COL5A2: variants seen among roughly 807,000 people sequenced by gnomAD.
The protein encoded by COL5A2 is collagen type V alpha 2 chain, also known as collagen alpha-2(V) chain.
A neutral mutation model predicts 208.2 loss-of-function variants in COL5A2; 23 were observed. That is an observed-to-expected ratio of 0.11 (90% CI 0.08 to 0.16). The LOEUF is 0.16. Among genes scored for constraint, COL5A2 ranks in the 10% least tolerant of loss-of-function variants. The pLI, the probability that COL5A2 is intolerant of heterozygous loss-of-function variation, is 1.00. For synonymous variants in COL5A2, 625 were observed against 628.5 expected (o/e 0.99, Z 0.08); for missense variants, 1,590 against 1,956.4 (o/e 0.81, Z 3.53).
At chr2:189,338,657 ATAT>A in the COL5A2 span, among the ~76,000 whole-genome samples, 1 of 148,852 alleles carries the variant, frequency 6.7e-6, no homozygotes, top group Non-Finnish European at 1.5e-5. Flanking sequence ...AGAAGGTATA[ATAT>A]TATAAAATGT....
intron 7 of COL5A2, 150 bp from the exon 8 acceptor site, chr2:189,088,922 G>T: frequency 2.8e-6 from 2 of 713,186 alleles, no homozygotes; most frequent in South Asian, 1.6e-5. Context: ...CCTGGAAAAA[G>T]ACTTAAGTTG....
intron 47 of COL5A2, among the ~76,000 whole-genome samples, chr2:189,044,215 T>C (rs1222187178): frequency 1.3e-5 from 2 of 152,200 alleles, no homozygotes; most frequent in Admixed American, 1.3e-4. Flanking sequence ...CTCAGGTTAA[T>C]TTTTCCCTTA....
At chr2:189,038,977 C>T (rs896708270) in intron 51 of COL5A2, among the ~76,000 whole-genome samples, 4 of 152,144 alleles carry the variant, frequency 2.6e-5, no homozygotes, top group Admixed American at 1.3e-4. Flanking sequence ...GCGTGAGACA[C>T]CGCACCTGGC....
At chr2:189,349,722 T>C in the COL5A2 span, among the ~76,000 whole-genome samples, 1 of 152,174 alleles carries the variant, frequency 6.6e-6, no homozygotes, top group Non-Finnish European at 1.5e-5. Context: ...AACAAACACG[T>C]TAACTTTTTA....
At chr2:189,039,631 G>C in intron 50 of COL5A2, 68 bp from the exon 51 acceptor site, 1 of 1,499,320 alleles carries the variant, frequency 6.7e-7, no homozygotes, top group Non-Finnish European at 9.1e-7. Context: ...GTAGAACTTG[G>C]TTCATAGGGA....
At position 189,129,861 on chromosome 2, in the gene COL5A2, T is replaced by G. The variant is rs1253643031; in HGVS notation, c.98-19412A>C. On this transcript the variant is annotated intron_variant, in intron 1 of 53. Transcript: ENST00000374866. The stretch of plus-strand genomic sequence containing the variant: ...CATGTGGCTTACACTTGTTTGAAAT[T>G]GTGCTCTCTTAATGGTTCTGCCTGC... Among the ~76,000 whole-genome samples, 3 of 152,058 alleles carry G rather than the reference T, an allele frequency of 2.0e-5. No individual in the cohort carries two copies. The East Asian group carries it at 5.8e-4, about 29-fold the overall frequency.
At chr2:189,151,855 T>C (rs754166497) in intron 1 of COL5A2, among the ~76,000 whole-genome samples, 1 of 152,194 alleles carries the variant, frequency 6.6e-6, no homozygotes, top group Non-Finnish European at 1.5e-5. Context: ...CTATATTTAT[T>C]TAAAAGCCAC....
chr2:189,300,151 G>A, the COL5A2 span, among the ~76,000 whole-genome samples: 2 of 152,158 alleles, frequency 1.3e-5, no homozygotes, highest in South Asian at 4.1e-4. Flanking sequence ...AACACTTACA[G>A]TCTTCTGACT....
chr2:189,282,066 T>C, the COL5A2 span, among the ~76,000 whole-genome samples: 2 of 152,008 alleles, frequency 1.3e-5, no homozygotes, highest in African/African-American at 4.8e-5. Flanking sequence ...GCACCTGTAA[T>C]CCCAGCCACT....
intron 21 of COL5A2, among the ~76,000 whole-genome samples, chr2:189,067,181 A>G (rs1686173998): frequency 6.6e-6 from 1 of 152,180 alleles, no homozygotes. Context: ...CAGAATCAAA[A>G]TAATTTTATA....
chr2:189,271,863 A>G, the COL5A2 span, among the ~76,000 whole-genome samples: 1 of 152,358 alleles, frequency 6.6e-6, no homozygotes, highest in Admixed American at 6.5e-5. Context: ...ATGAACAGAC[A>G]CTTCTCAAAA....
At chr2:189,408,189 A>G in the COL5A2 span, among the ~76,000 whole-genome samples, 1 of 152,186 alleles carries the variant, frequency 6.6e-6, no homozygotes, top group Non-Finnish European at 1.5e-5. Context: ...ATTTCAAGTA[A>G]GTGAAGGATA....
chr2:189,395,918 A>T, the COL5A2 span, among the ~76,000 whole-genome samples: 2 of 150,710 alleles, frequency 1.3e-5, no homozygotes, highest in African/African-American at 4.9e-5. Context: ...AAAAAAAAAA[A>T]AAAAAAAAAA....
chr2:189,391,062 T>C, the COL5A2 span, among the ~76,000 whole-genome samples: 1 of 152,196 alleles, frequency 6.6e-6, no homozygotes, highest in Non-Finnish European at 1.5e-5. Context: ...AGGTAAGTCA[T>C]TAGTCAGGGA....
At chr2:189,301,840 AAG>A in the COL5A2 span, among the ~76,000 whole-genome samples, 1 of 152,202 alleles carries the variant, frequency 6.6e-6, no homozygotes, top group African/African-American at 2.4e-5. Flanking sequence ...TATATATAGA[AAG>A]AGTTTCCTGA....
chr2:189,088,772 G>A lies in COL5A2; in HGVS notation c.568C>T (p.Pro190Ser), dbSNP rs772466115. Reference sequence around the variant, plus strand: ...AACCCAGCCATTTGAGCTGAAAACGGCTGTAAAAGCGATATGTTGACATTA... The same window carrying A: ...AACCCAGCCATTTGAGCTGAAAACGACTGTAAAAGCGATATGTTGACATTA... ...SHPGPDGLSR[P>S]FSAQMAGLDE... Residue 190 changes from proline (P) to serine (S), a missense_variant and splice_region_variant, in exon 8 of 54, where the codon CCG becomes TCG. Pro to Ser is a moderately conservative substitution (Grantham distance 74). Coordinates refer to ENST00000374866, the MANE Select transcript of COL5A2 (RefSeq NM_000393.5). 1.2e-6 allele frequency: 2 copies of A among 1,613,410 alleles called. No individual in the cohort carries two copies. The highest frequency in any genetic ancestry group is 2.7e-5 in the African/African-American group (2 of 74,886).
At chr2:189,418,186 T>G in the COL5A2 span, among the ~76,000 whole-genome samples, 1 of 152,180 alleles carries the variant, frequency 6.6e-6, no homozygotes, top group African/African-American at 2.4e-5. Context: ...GACATGTCTT[T>G]CCATTTGTTT....
chr2:189,262,747 A>G, the COL5A2 span, among the ~76,000 whole-genome samples: 1 of 152,148 alleles, frequency 6.6e-6, no homozygotes, highest in Non-Finnish European at 1.5e-5. Context: ...AAAGGAATTT[A>G]AAATAAAATA....
At chr2:189,364,991 T>C in the COL5A2 span, among the ~76,000 whole-genome samples, 1 of 152,190 alleles carries the variant, frequency 6.6e-6, no homozygotes, top group Non-Finnish European at 1.5e-5. Context: ...CTGAAACTTT[T>C]AAAAAGTGAA....
Sources: gnomAD v4.1 joint callset for allele counts (sites outside exome capture counted in the v4.1 genomes callset) on GRCh38, gnomAD v4.1.1 for gene constraint, MANE v1.5 for transcripts, NCBI Gene and HGNC (gene_info 2026-07-23, HGNC 2026-07-21) for gene names.